The following EPHB1 variants were observed in gnomAD, a reference collection of about 807,000 sequenced individuals.
EPHB1 encodes EPH receptor B1.
In EPHB1, 30 loss-of-function variants were observed where a neutral mutation model predicts 94.4. The ratio of observed to expected loss-of-function variants is 0.32; its 90% confidence interval spans 0.24 to 0.43. The LOEUF is 0.43. Among genes scored for constraint, EPHB1 ranks in the 20% least tolerant of loss-of-function variants. The probability of loss-of-function intolerance (pLI) is 1.00; values close to 1 mark genes in which losing one functional copy is unlikely to be tolerated. For missense variants in EPHB1, 1,055 were observed against 1,308.3 expected (o/e 0.81, Z 2.99); for synonymous variants, 522 against 489.1 (o/e 1.07, Z -0.89).
chr3:134,865,432 T>C (rs1419365004), intron 1 of EPHB1, among the ~76,000 whole-genome samples: 1 of 152,118 alleles, frequency 6.6e-6, no homozygotes, highest in Non-Finnish European at 1.5e-5. Context: ...TTTGGCAATA[T>C]CTATCAAATT....
chr3:135,199,324 C>T (rs1201052002), intron 11 of EPHB1, among the ~76,000 whole-genome samples: 1 of 152,196 alleles, frequency 6.6e-6, no homozygotes, highest in Non-Finnish European at 1.5e-5. Context: ...CAGAGACCTA[C>T]TTGGAGAAAA....
chr3:135,077,876 C>A (rs1938001397), intron 3 of EPHB1, among the ~76,000 whole-genome samples: 1 of 152,212 alleles, frequency 6.6e-6, no homozygotes, highest in African/African-American at 2.4e-5. Context: ...GAAGGTTGAT[C>A]TTTGCCATTG....
intron 1 of EPHB1, among the ~76,000 whole-genome samples, chr3:134,820,770 G>T (rs1342292946): frequency 6.6e-6 from 1 of 152,114 alleles, no homozygotes; most frequent in Non-Finnish European, 1.5e-5. Context: ...GCCCCGGAAC[G>T]TTTGCACCTG....
intron 1 of EPHB1, among the ~76,000 whole-genome samples, chr3:134,884,246 T>C (rs1201426825): frequency 2.0e-5 from 3 of 152,236 alleles, no homozygotes; most frequent in African/African-American, 7.2e-5. Flanking sequence ...CCTTGGAGCA[T>C]GTTCAGAGAG....
intron 1 of EPHB1, among the ~76,000 whole-genome samples, chr3:134,824,125 C>CTTTTTTTTTTTTTTTTTTTTTTTT (rs373504139): frequency 9.9e-6 from 1 of 100,756 alleles, no homozygotes; most frequent in African/African-American, 3.4e-5. Context: ...GGATAATGCC[C>CTTTTTTTTTTTTTTTTTTTTTTTT]TTTTTTTTTT....
intron 2 of EPHB1, among the ~76,000 whole-genome samples, chr3:134,934,480 C>A (rs1316777843): frequency 2.6e-5 from 4 of 152,130 alleles, no homozygotes; most frequent in Non-Finnish European, 5.9e-5. Context: ...AGAATTGGGC[C>A]AGATGAGCAG....
At chr3:134,991,537 A>G (rs894463675) in intron 3 of EPHB1, among the ~76,000 whole-genome samples, 1 of 152,092 alleles carries the variant, frequency 6.6e-6, no homozygotes, top group Non-Finnish European at 1.5e-5. Flanking sequence ...CCCTCTCAGC[A>G]TGCTCCTTTC....
chr3:135,161,425 G>A (rs760185671), intron 6 of EPHB1, among the ~76,000 whole-genome samples: 14 of 152,348 alleles, frequency 9.2e-5, no homozygotes, highest in Admixed American at 2.0e-4. Context: ...GGTGAGGGCA[G>A]AAGTAGGTGT....
chr3:135,150,511 T>G (rs1032297857), intron 5 of EPHB1, among the ~76,000 whole-genome samples: 1 of 152,234 alleles, frequency 6.6e-6, no homozygotes, highest in Admixed American at 6.5e-5. Flanking sequence ...CCATCAAGCC[T>G]TGTTGCTAAG....
At chr3:135,100,502 A>G (rs922683003) in intron 3 of EPHB1, among the ~76,000 whole-genome samples, 4 of 152,156 alleles carry the variant, frequency 2.6e-5, no homozygotes, top group African/African-American at 9.7e-5. Context: ...TCTTGCTTCT[A>G]TTAATTTCCT....
intron 1 of EPHB1, among the ~76,000 whole-genome samples, chr3:134,899,498 G>A (rs927101819): frequency 2.0e-5 from 3 of 152,122 alleles, no homozygotes; most frequent in African/African-American, 4.8e-5. Context: ...CTACTCAAGC[G>A]CTAAGCCTCA....
At chr3:135,042,269 C>G (rs754373462) in intron 3 of EPHB1, among the ~76,000 whole-genome samples, 1 of 152,138 alleles carries the variant, frequency 6.6e-6, no homozygotes, top group Non-Finnish European at 1.5e-5. Context: ...TGATAATATC[C>G]TTAATCTGTT....
chr3:135,167,649 A>G (rs1941687848), intron 9 of EPHB1, among the ~76,000 whole-genome samples: 1 of 152,200 alleles, frequency 6.6e-6, no homozygotes, highest in Non-Finnish European at 1.5e-5. Context: ...TAATGACAAC[A>G]TTGCAGGATC....
At chr3:135,217,640 T>C (rs1271357158) in intron 12 of EPHB1, among the ~76,000 whole-genome samples, 2 of 151,990 alleles carry the variant, frequency 1.3e-5, no homozygotes, top group African/African-American at 2.4e-5. Flanking sequence ...ACATTCCGAG[T>C]AGGCACCAGG....
At chr3:135,195,499 C>A (rs964470788) in intron 11 of EPHB1, among the ~76,000 whole-genome samples, 6 of 151,062 alleles carry the variant, frequency 4.0e-5, no homozygotes, top group Non-Finnish European at 8.8e-5. Flanking sequence ...CCCACCCCAC[C>A]ACAGTCCCCA....
intron 1 of EPHB1, among the ~76,000 whole-genome samples, chr3:134,904,492 G>T (rs2038275919): frequency 6.6e-6 from 1 of 152,176 alleles, no homozygotes; most frequent in Non-Finnish European, 1.5e-5. Context: ...TGTGGTGGGG[G>T]GTGGCAGGTA....
rs535561051 is a variant in EPHB1, at chr3:135,235,238, AAC to A, written c.2347-5909_2347-5908del. ...TCATGAAGCCTCAGAATCCTTCTTAAACCAGGCACTAACAATTATCAGAGTTT... is the reference window on the plus strand; with the variant it reads ...TCATGAAGCCTCAGAATCCTTCTTAACAGGCACTAACAATTATCAGAGTTT... On this transcript the variant is annotated intron_variant, in intron 12 of 15. Coordinates refer to ENST00000398015, the MANE Select transcript of EPHB1 (RefSeq NM_004441.5). Among the ~76,000 whole-genome samples the A allele has an allele frequency of 7.5e-4, 115 of 152,326 alleles. 1 individual carries two copies. The highest frequency in any genetic ancestry group is 2.6e-3 in the Admixed American group (39 of 15,294).
chr3:135,118,875 G>A (rs1381771650), intron 4 of EPHB1, among the ~76,000 whole-genome samples: 2 of 152,136 alleles, frequency 1.3e-5, no homozygotes, highest in African/African-American at 2.4e-5. Context: ...CCACAAAAAT[G>A]CATATCCCTA....
At chr3:134,992,666 A>G (rs1934853725) in intron 3 of EPHB1, among the ~76,000 whole-genome samples, 1 of 152,166 alleles carries the variant, frequency 6.6e-6, no homozygotes, top group Admixed American at 6.5e-5. Context: ...GTGCCTGCCT[A>G]AAGGGAACAG....
Sources: allele counts gnomAD v4.1 joint callset (sites outside exome capture counted in the v4.1 genomes callset), GRCh38; gene constraint gnomAD v4.1.1; transcripts MANE v1.5; gene names NCBI Gene and HGNC (gene_info 2026-07-23, HGNC 2026-07-21).